The following WWOX variants were observed in gnomAD, a reference collection of about 807,000 sequenced individuals.
WWOX encodes the protein WW domain-containing oxidoreductase.
WWOX carries 69 observed loss-of-function variants against 46.2 expected under a neutral mutation model. That is an observed-to-expected ratio of 1.49 (90% CI 1.23 to 1.82). The LOEUF is 1.82. WWOX is among the 40% of genes most tolerant of loss of function. The pLI is 0.00. For missense variants in WWOX, 919 were observed against 542.6 expected (o/e 1.69, Z -6.89); for synonymous variants, 359 against 202.6 (o/e 1.77, Z -6.56).
chr16:78,405,442 T>A (rs2082505461), intron 6 of WWOX, among the ~76,000 whole-genome samples: 1 of 152,338 alleles, frequency 6.6e-6, no homozygotes, highest in African/African-American at 2.4e-5. Context: ...CCTTTCAAAT[T>A]TAAAGGAATA....
intron 8 of WWOX, among the ~76,000 whole-genome samples, chr16:79,072,390 T>G (rs1173049189): frequency 1.3e-5 from 2 of 152,202 alleles, no homozygotes; most frequent in South Asian, 2.1e-4. Flanking sequence ...CCCATAGGCA[T>G]GAGACCTCCA....
intron 8 of WWOX, among the ~76,000 whole-genome samples, chr16:78,798,420 T>C (rs2050799832): frequency 6.6e-6 from 1 of 152,178 alleles, no homozygotes; most frequent in African/African-American, 2.4e-5. Flanking sequence ...ACTGGTGCGA[T>C]GCGGGAACAA....
chr16:78,668,247 C>T lies in WWOX; in HGVS notation c.1056+235495C>T, dbSNP rs189597416. On this transcript the variant is annotated intron_variant, in intron 8 of 8. Transcript: ENST00000566780. ...GTCAGCCGAGATCTATGCCATTGCA[C>T]TCCAGCCTGTGTGACAGAGCAAGAC... is the stretch of plus-strand genomic sequence containing the variant. Among the ~76,000 whole-genome samples, 93 of 152,310 alleles carry T rather than the reference C, an allele frequency of 6.1e-4. No homozygotes were observed. In the East Asian group the frequency reaches 6.6e-3, roughly 11 times the overall value.
At chr16:78,738,857 C>T (rs1567527367) in intron 8 of WWOX, among the ~76,000 whole-genome samples, 1 of 152,156 alleles carries the variant, frequency 6.6e-6, no homozygotes, top group African/African-American at 2.4e-5. Flanking sequence ...TAGAGATTGT[C>T]CCTTAAGCCA....
chr16:79,049,951 C>T (rs913739304), intron 8 of WWOX, among the ~76,000 whole-genome samples: 1 of 151,866 alleles, frequency 6.6e-6, no homozygotes, highest in South Asian at 2.1e-4. Context: ...GGAAAGACTC[C>T]AGGGCAAGAA....
intron 8 of WWOX, among the ~76,000 whole-genome samples, chr16:79,007,612 A>T (rs936462974): frequency 1.3e-5 from 2 of 152,216 alleles, no homozygotes; most frequent in Admixed American, 6.5e-5. Context: ...TGCAGAAGCT[A>T]AGCACTTTAA....
At chr16:78,403,640 G>A (rs529845864) in intron 6 of WWOX, among the ~76,000 whole-genome samples, 100 of 152,274 alleles carry the variant, frequency 6.6e-4, no homozygotes, top group African/African-American at 2.3e-3. Context: ...AAGCACTATT[G>A]ACAAATACCA....
intron 8 of WWOX, among the ~76,000 whole-genome samples, chr16:79,155,639 C>T (rs1452971788): frequency 6.8e-6 from 1 of 147,022 alleles, no homozygotes; most frequent in Non-Finnish European, 1.5e-5. Context: ...ATACAGTGCG[C>T]ATGAATTGCT....
chr16:78,965,845 G>A (rs1044451623), intron 8 of WWOX, among the ~76,000 whole-genome samples: 2 of 152,136 alleles, frequency 1.3e-5, no homozygotes, highest in Non-Finnish European at 2.9e-5. Context: ...TGTGGGCACA[G>A]GAGCAGTTCT....
intron 8 of WWOX, among the ~76,000 whole-genome samples, chr16:78,666,399 T>A (rs2047333919): frequency 1.3e-5 from 2 of 152,186 alleles, no homozygotes; most frequent in Admixed American, 1.3e-4. Flanking sequence ...GATCCCAGTT[T>A]TACACATCAG....
At chr16:78,679,018 G>A (rs901294935) in intron 8 of WWOX, among the ~76,000 whole-genome samples, 1 of 152,184 alleles carries the variant, frequency 6.6e-6, no homozygotes, top group Admixed American at 6.5e-5. Context: ...GGAGAGACAG[G>A]AAAGCAGGGA....
intron 8 of WWOX, among the ~76,000 whole-genome samples, chr16:78,980,386 A>G (rs937076096): frequency 6.6e-6 from 1 of 152,184 alleles, no homozygotes; most frequent in Non-Finnish European, 1.5e-5. Flanking sequence ...TGTCCTTGGA[A>G]TGGTTTTAGT....
intron 8 of WWOX, among the ~76,000 whole-genome samples, chr16:78,609,693 C>T (rs2045852303): frequency 6.6e-6 from 1 of 152,072 alleles, no homozygotes; most frequent in African/African-American, 2.4e-5. Flanking sequence ...TTGCATTCTG[C>T]CTTGCCTTGT....
chr16:78,623,301 T>C (rs1298353136), intron 8 of WWOX, among the ~76,000 whole-genome samples: 4 of 152,220 alleles, frequency 2.6e-5, no homozygotes, highest in African/African-American at 9.6e-5. Flanking sequence ...ACTGCATCTT[T>C]CTTTGGCATT....
intron 8 of WWOX, among the ~76,000 whole-genome samples, chr16:78,520,689 C>T (rs760102581): frequency 6.6e-6 from 1 of 151,894 alleles, no homozygotes; most frequent in African/African-American, 2.4e-5. Context: ...GTCTAGGGTA[C>T]GTGGGGAGAG....
chr16:78,419,259 T>A (rs73571085), intron 6 of WWOX, among the ~76,000 whole-genome samples: 11 of 152,144 alleles, frequency 7.2e-5, no homozygotes, highest in African/African-American at 2.7e-4. Flanking sequence ...AAAATTTCAG[T>A]TGACTTTTTT....
intron 5 of WWOX, among the ~76,000 whole-genome samples, chr16:78,265,564 G>C (rs1290515657): frequency 2.6e-5 from 4 of 151,872 alleles, no homozygotes; most frequent in African/African-American, 9.7e-5. Flanking sequence ...TGTAATCCCA[G>C]CTACTTGGGA....
At chr16:78,136,307 G>T (rs1384220071) in intron 4 of WWOX, among the ~76,000 whole-genome samples, 1 of 152,214 alleles carries the variant, frequency 6.6e-6, no homozygotes, top group East Asian at 1.9e-4. Flanking sequence ...AAACAAGGAA[G>T]AACGTGTAGC....
intron 7 of WWOX, among the ~76,000 whole-genome samples, chr16:78,429,573 A>T (rs553645233): frequency 6.6e-6 from 1 of 152,248 alleles, no homozygotes; most frequent in Admixed American, 6.5e-5. Context: ...TGCTATATTT[A>T]TTCCATACCT....
Sources: gnomAD v4.1 joint callset for allele counts (sites outside exome capture counted in the v4.1 genomes callset) on GRCh38, gnomAD v4.1.1 for gene constraint, MANE v1.5 for transcripts, NCBI Gene and HGNC (gene_info 2026-07-23, HGNC 2026-07-21) for gene names.